NBEAL1: variants seen among roughly 807,000 people sequenced by gnomAD.
The protein encoded by NBEAL1 is neurobeachin-like protein 1.
NBEAL1 carries 273 observed loss-of-function variants against 351.3 expected under a neutral mutation model. That is an observed-to-expected ratio of 0.78 (90% CI 0.70 to 0.86). The LOEUF is 0.86. NBEAL1 is among the 40% of genes least tolerant of loss of function. The pLI is 0.00. For missense variants in NBEAL1, 2,961 were observed against 3,201.3 expected (o/e 0.92, Z 1.81); for synonymous variants, 1,050 against 1,086.4 (o/e 0.97, Z 0.66).
At chr2:203,185,689 C>T (rs1011373387) in intron 44 of NBEAL1, among the ~76,000 whole-genome samples, 14 of 152,124 alleles carry the variant, frequency 9.2e-5, no homozygotes, top group Non-Finnish European at 2.9e-5. Flanking sequence ...TGCATCGAAA[C>T]GGTAGGATGC....
chr2:203,083,194 A>G, intron 8 of NBEAL1, 25 bp from the exon 9 acceptor site: 1 of 1,525,138 alleles, frequency 6.6e-7, no homozygotes, highest in East Asian at 2.5e-5. Flanking sequence ...TTTAGGTTTC[A>G]TTTTTATTGT....
chr2:203,163,056 C>CT (rs1411604280), intron 36 of NBEAL1, among the ~76,000 whole-genome samples: 1 of 152,180 alleles, frequency 6.6e-6, no homozygotes, highest in East Asian at 1.9e-4. Context: ...ACTCAGAAGG[C>CT]TGAGGCAGGG....
In NBEAL1 at chr2:203,113,271, T is replaced by C. The variant is rs1340890591; in HGVS notation, c.2459T>C (p.Phe820Ser). The change falls in exon 17 of 56, where the codon TTT becomes TCT. Residue 820 changes from phenylalanine (F) to serine (S), a missense_variant. Phe to Ser is a radical substitution (Grantham distance 155). Coordinates refer to ENST00000683969, the MANE Select transcript of NBEAL1 (RefSeq NM_001378026.1). ...LEGQLGSVIIFYEPLQPPQVK... is the reference protein window; with the variant it reads ...LEGQLGSVIISYEPLQPPQVK... ...GGTCAGCTAGGATCTGTTATCATCT[T>C]TTATGAACCACTACAACCTCCTCAG... is the stretch of plus-strand genomic sequence containing the variant. The C allele has an allele frequency of 2.6e-5, 39 of 1,479,928 alleles. No homozygotes were observed. 91.7% of individuals were successfully genotyped at this position (1,479,928 alleles called of 1,614,324 possible). A position where few individuals can be genotyped will look rare whatever the true frequency, so the allele number is the denominator to read the frequency against.
At chr2:203,181,520 G>A (rs1354280392) in intron 43 of NBEAL1, 3 of 152,042 alleles carry the variant, frequency 2.0e-5, no homozygotes, top group African/African-American at 7.2e-5. Flanking sequence ...TTTCTGTGAG[G>A]TAGTTTTACA....
chr2:203,207,572 A>G (rs2105836495), intron 51 of NBEAL1, among the ~76,000 whole-genome samples: 1 of 152,354 alleles, frequency 6.6e-6, no homozygotes, highest in South Asian at 2.1e-4. Flanking sequence ...GTACTAAGAA[A>G]AATTCTTCTG....
intron 45 of NBEAL1, among the ~76,000 whole-genome samples, chr2:203,189,862 G>A (rs2065015459): frequency 1.3e-5 from 2 of 151,806 alleles, no homozygotes; most frequent in Admixed American, 1.3e-4. Flanking sequence ...TGAGGTCAGG[G>A]TGGTGGCTCA....
At chr2:203,134,482 A>C (rs1216610345) in intron 27 of NBEAL1, among the ~76,000 whole-genome samples, 1 of 152,148 alleles carries the variant, frequency 6.6e-6, no homozygotes, top group Non-Finnish European at 1.5e-5. Context: ...CTGTATCAAC[A>C]TGTATTAGTA....
intron 46 of NBEAL1, chr2:203,190,978 A>C (rs1339407983): frequency 6.2e-7 from 1 of 1,607,390 alleles, no homozygotes; most frequent in African/African-American, 1.3e-5. Flanking sequence ...CATTCAGAAC[A>C]GACAGGCCCA....
intron 18 of NBEAL1, among the ~76,000 whole-genome samples, chr2:203,121,328 G>A (rs1163046705): frequency 2.0e-5 from 3 of 151,820 alleles, no homozygotes; most frequent in Non-Finnish European, 4.4e-5. Context: ...CTGTTTTCAT[G>A]TATTTGTTTA....
intron 2 of NBEAL1, among the ~76,000 whole-genome samples, chr2:203,033,241 C>A (rs2060981115): frequency 6.6e-6 from 1 of 152,192 alleles, no homozygotes; most frequent in African/African-American, 2.4e-5. Context: ...ACCTCGTGAT[C>A]TGCCCACCTC....
chr2:203,211,593 A>G (rs997548120), intron 54 of NBEAL1, among the ~76,000 whole-genome samples: 1 of 152,182 alleles, frequency 6.6e-6, no homozygotes, highest in Non-Finnish European at 1.5e-5. Flanking sequence ...ACAGTAAGCT[A>G]TGATCATACA....
intron 8 of NBEAL1, among the ~76,000 whole-genome samples, chr2:203,079,030 CAT>C (rs1416424700): frequency 6.6e-6 from 1 of 152,012 alleles, no homozygotes; most frequent in Non-Finnish European, 1.5e-5. Flanking sequence ...AATGAAAATG[CAT>C]ATGATTTTTA....
chr2:203,055,988 G>A (rs1048739845), intron 4 of NBEAL1, among the ~76,000 whole-genome samples: 1 of 152,128 alleles, frequency 6.6e-6, no homozygotes, highest in African/African-American at 2.4e-5. Context: ...AAAAAGCAAA[G>A]TGAAAATGAT....
intron 27 of NBEAL1, among the ~76,000 whole-genome samples, chr2:203,133,477 T>C (rs1473631948): frequency 6.6e-6 from 1 of 152,016 alleles, no homozygotes; most frequent in Non-Finnish European, 1.5e-5. Context: ...TTTCTGAATC[T>C]TTTGAAACTT....
At position 203,187,413 on chromosome 2, in the gene NBEAL1, T is replaced by A. The variant is rs182594183; in HGVS notation, c.6706-1059T>A. Among the ~76,000 whole-genome samples, 29 of 151,196 alleles carry A rather than the reference T, an allele frequency of 1.9e-4. No homozygotes were observed. In the East Asian group the frequency reaches 5.1e-3, roughly 26 times the overall value. On this transcript the variant is annotated intron_variant, in intron 44 of 55. Coordinates refer to ENST00000683969, the MANE Select transcript of NBEAL1 (RefSeq NM_001378026.1). ...TGAATCCAGCAATATCTGGCTTTTT[T>A]ATATTTTCTTTAAATTGTGCTTACA...
At chr2:203,174,178 A>G (rs1178939225) in intron 41 of NBEAL1, among the ~76,000 whole-genome samples, 1 of 143,584 alleles carries the variant, frequency 7.0e-6, no homozygotes, top group African/African-American at 2.6e-5. Context: ...TACCTTGGCC[A>G]CAAAAGGATG....
rs1452284159 is a variant in NBEAL1 at position 203,175,182 on chromosome 2, A to G, written c.6359A>G (p.Asp2120Gly). The G allele has an allele frequency of 1.2e-6, 2 of 1,612,828 alleles. No individual in the cohort carries two copies. Among genetic ancestry groups the G allele is most frequent in the Admixed American group, 1.7e-5 (1 of 59,808 alleles). ...TTTGAGGATCCTATGGGAACTATTG[A>G]TAAGTTTCACTATGGTACTCACTAT... ...ENFEDPMGTI[D>G]KFHYGTHYSN... The change falls in exon 42 of 56, where the codon GAT becomes GGT. Residue 2120 changes from aspartate to glycine, a missense_variant. Coordinates refer to ENST00000683969, the MANE Select transcript of NBEAL1 (RefSeq NM_001378026.1).
intron 10 of NBEAL1, among the ~76,000 whole-genome samples, chr2:203,094,549 T>C (rs1328941625): frequency 6.6e-6 from 1 of 152,196 alleles, no homozygotes; most frequent in Non-Finnish European, 1.5e-5. Flanking sequence ...AACCTTAAGC[T>C]GGCGGCTGCT....
chr2:203,103,617 G>A (rs1489550076), intron 12 of NBEAL1, among the ~76,000 whole-genome samples: 7 of 151,978 alleles, frequency 4.6e-5, no homozygotes, highest in African/African-American at 9.7e-5. Context: ...TCAGTTCAGC[G>A]CTGTTTTGGT....
Sources: allele counts gnomAD v4.1 joint callset (sites outside exome capture counted in the v4.1 genomes callset), GRCh38; gene constraint gnomAD v4.1.1; transcripts MANE v1.5; gene names NCBI Gene and HGNC (gene_info 2026-07-23, HGNC 2026-07-21).